Variants in POMK observed in about 807,000 individuals in gnomAD.
POMK encodes the protein Sugen kinase 196.
A neutral mutation model predicts 23.0 loss-of-function variants in POMK; 19 were observed. That is an observed-to-expected ratio of 0.83 (90% CI 0.58 to 1.21). The LOEUF (loss-of-function observed/expected upper bound fraction) is 1.21, where lower values mean the gene tolerates loss of function less well. Ranked by LOEUF, POMK falls within the 50% of genes most tolerant of loss-of-function variation. POMK has a pLI of 0.00. For missense variants in POMK, 410 were observed against 431.3 expected (o/e 0.95, Z 0.44); for synonymous variants, 173 against 171.6 (o/e 1.01, Z -0.06).
chr8:43,122,184 C>T lies in POMK; in HGVS notation c.360C>T (p.Leu120=), dbSNP rs144790751. The T allele has an allele frequency of 1.2e-6, 2 of 1,614,142 alleles. No individual in the cohort carries two copies. Among genetic ancestry groups the T allele is most frequent in the East Asian group, 2.2e-5 (1 of 44,884 alleles). The change falls in exon 5 of 5, where the codon CTC becomes CTT. Residue 120 remains leucine, a synonymous_variant. Coordinates refer to ENST00000331373, the MANE Select transcript of POMK (RefSeq NM_032237.5). The part of the protein sequence containing the change: ...LTSLEMKDDF[L]HGLQMLKSLQ... ...GCCTGGAGATGAAAGATGATTTCCT[C>T]CATGGACTGCAGATGCTGAAATCTC... is the stretch of plus-strand genomic sequence containing the variant.
chr8:43,117,931 C>T (rs1304688942), intron 4 of POMK, among the ~76,000 whole-genome samples: 2 of 152,084 alleles, frequency 1.3e-5, no homozygotes, highest in Non-Finnish European at 2.9e-5. Flanking sequence ...TGTACATAGA[C>T]ATGTAAATAT....
chr8:43,119,756 A>G (rs138166659), intron 4 of POMK, among the ~76,000 whole-genome samples: 308 of 152,138 alleles, frequency 2.0e-3, no homozygotes, highest in African/African-American at 6.3e-3. Context: ...AATAGAAGTT[A>G]TTATCCTTAG....
chr8:43,103,482 A>G, intron 3 of POMK, 46 bp from the exon 4 acceptor site: 1 of 1,575,600 alleles, frequency 6.3e-7, no homozygotes, highest in Non-Finnish European at 8.7e-7. Context: ...AATGAAAGGA[A>G]GTGAAAGCTG....
intron 4 of POMK, among the ~76,000 whole-genome samples, chr8:43,111,166 T>A (rs902576992): frequency 2.0e-5 from 3 of 152,138 alleles, no homozygotes; most frequent in African/African-American, 7.2e-5. Context: ...GGAGTCCCTT[T>A]TCTAGTCAAA....
In POMK at chr8:43,109,473, G is replaced by A. The variant is rs185990971; in HGVS notation, c.282+5643G>A. The stretch of plus-strand genomic sequence containing the variant: ...CCATTAGTGTATTTTTAACGTTAAA[G>A]CCAGTTTTAATTACATCTTATAAAT... On this transcript the variant is annotated intron_variant, in intron 4 of 4. Transcript: ENST00000331373. Among the ~76,000 whole-genome samples the A allele has an allele frequency of 1.6e-3, 246 of 152,216 alleles. 1 individual carries two copies. The highest frequency in any genetic ancestry group is 5.7e-3 in the African/African-American group (237 of 41,532).
At chr8:43,103,412 C>T (rs765806029) in intron 3 of POMK, 116 bp from the exon 4 acceptor site, 157 of 930,912 alleles carry the variant, frequency 1.7e-4, no homozygotes, top group Middle Eastern at 7.0e-4. Flanking sequence ...TTAATCCCCA[C>T]GGTAACGCTG....
intron 4 of POMK, among the ~76,000 whole-genome samples, chr8:43,121,321 G>T (rs897437859): frequency 3.3e-5 from 5 of 152,200 alleles, no homozygotes; most frequent in African/African-American, 1.2e-4. Context: ...AAGATCAGAG[G>T]TTCTTCCTTT....
intron 4 of POMK, among the ~76,000 whole-genome samples, chr8:43,106,948 T>C (rs367686673): frequency 2.0e-5 from 3 of 152,276 alleles, no homozygotes; most frequent in South Asian, 2.1e-4. Flanking sequence ...GGGGTCGGAG[T>C]TGACCCTAAG....
chr8:43,116,758 C>T (rs555135978), intron 4 of POMK, among the ~76,000 whole-genome samples: 1 of 152,300 alleles, frequency 6.6e-6, no homozygotes, highest in East Asian at 1.9e-4. Context: ...GTTAACTGTA[C>T]TTTATATAAG....
intron 1 of POMK, among the ~76,000 whole-genome samples, chr8:43,096,305 G>C (rs1336006922): frequency 6.6e-6 from 1 of 152,194 alleles, no homozygotes; most frequent in Admixed American, 6.5e-5. Flanking sequence ...ACTTGATCCT[G>C]TGGGCCGAGT....
At position 43,122,750 on chromosome 8, in the gene POMK, T is replaced by C. The variant is rs750736847; in HGVS notation, c.926T>C (p.Ile309Thr). 8.1e-6 allele frequency: 13 copies of C among 1,614,086 alleles called. No individual in the cohort carries two copies. The East Asian group carries it at 2.4e-4, about 30-fold the overall frequency. The part of the protein sequence containing the change: ...SDMVRFHLFD[I>T]HKACKSQTPS... ...ATGGTCCGATTCCATTTGTTTGATA[T>C]TCACAAAGCATGCAAGAGCCAGACT... is the stretch of plus-strand genomic sequence containing the variant. The change falls in exon 5 of 5, where the codon ATT becomes ACT. Residue 309 changes from isoleucine to threonine, a missense_variant. Transcript: ENST00000331373.
intron 4 of POMK, among the ~76,000 whole-genome samples, chr8:43,111,514 AAG>A (rs1811665568): frequency 6.6e-6 from 1 of 152,200 alleles, no homozygotes; most frequent in South Asian, 2.1e-4. Flanking sequence ...AGACAAACAA[AAG>A]ACAGTAATAA....
Position 43,103,541 on chromosome 8 carries a change from C to T in POMK, c.-8C>T. 6.2e-7 allele frequency: 1 copy of T among 1,613,678 alleles called. No homozygotes were observed. The highest frequency in any genetic ancestry group is 8.5e-7 in the Non-Finnish European group (1 of 1,179,676). ...TGTGTATTTTAGGAAATTGCAGAGG[C>T]CGTCAACATGGAAAAGCAGCCCCAG... On this transcript the variant is annotated 5_prime_UTR_variant, in exon 4 of 5. Coordinates refer to ENST00000331373, the MANE Select transcript of POMK (RefSeq NM_032237.5).
At chr8:43,097,477 A>G (rs1049035369) in intron 1 of POMK, 47 bp from the exon 2 acceptor site, 2 of 152,212 alleles carry the variant, frequency 1.3e-5, no homozygotes, top group African/African-American at 2.4e-5. Context: ...ACAAAGCTGG[A>G]TGAATGCTTA....
intron 4 of POMK, among the ~76,000 whole-genome samples, chr8:43,113,989 A>G (rs959741133): frequency 2.0e-5 from 3 of 152,178 alleles, no homozygotes; most frequent in Non-Finnish European, 2.9e-5. Context: ...TCAGAGGAGT[A>G]CCCGGCCCCG....
chr8:43,097,315 G>C (rs1002223581), intron 1 of POMK, among the ~76,000 whole-genome samples: 2 of 152,194 alleles, frequency 1.3e-5, no homozygotes, highest in African/African-American at 4.8e-5. Context: ...AGCACAGTTT[G>C]AGAATCTCTG....
At chr8:43,112,081 A>G (rs1003739658) in intron 4 of POMK, among the ~76,000 whole-genome samples, 6 of 146,184 alleles carry the variant, frequency 4.1e-5, no homozygotes, top group African/African-American at 1.7e-4. Flanking sequence ...GACTTTGATG[A>G]GTTGAGAGAG....
At chr8:43,119,465 A>G (rs1297086456) in intron 4 of POMK, among the ~76,000 whole-genome samples, 2 of 140,704 alleles carry the variant, frequency 1.4e-5, no homozygotes, top group African/African-American at 2.7e-5. Flanking sequence ...TTTGAGACGA[A>G]GTCTCTAACC....
At chr8:43,094,553 C>T (rs894426962) in intron 1 of POMK, among the ~76,000 whole-genome samples, 10 of 152,016 alleles carry the variant, frequency 6.6e-5, no homozygotes, top group Admixed American at 2.6e-4. Flanking sequence ...CTTGTCTTTG[C>T]CACCCTTTGC....
Sources: allele counts gnomAD v4.1 joint callset (sites outside exome capture counted in the v4.1 genomes callset), GRCh38; gene constraint gnomAD v4.1.1; transcripts MANE v1.5; gene names NCBI Gene and HGNC (gene_info 2026-07-23, HGNC 2026-07-21).